Variants in FBXO36 observed in about 807,000 individuals in gnomAD.
FBXO36 encodes F-box only protein 36.
Under a neutral mutation model 17.0 loss-of-function variants are expected in FBXO36, and 18 were observed. The ratio of observed to expected loss-of-function variants is 1.06; its 90% CI spans 0.73 to 1.57. The LOEUF is 1.57. Ranked by LOEUF, FBXO36 falls within the 40% of genes most tolerant of loss-of-function variation. FBXO36 has a pLI of 0.00. For missense variants in FBXO36, 229 were observed against 221.9 expected (o/e 1.03, Z -0.20); for synonymous variants, 83 against 85.3 (o/e 0.97, Z 0.15).
chr2:229,960,724 A>C (rs764042684), intron 1 of FBXO36, among the ~76,000 whole-genome samples: 1 of 152,154 alleles, frequency 6.6e-6, no homozygotes, highest in African/African-American at 2.4e-5. Context: ...GCTGGTCTCA[A>C]ACTTCTAGCC....
intron 3 of FBXO36, among the ~76,000 whole-genome samples, chr2:230,000,428 C>T (rs1364822128): frequency 1.3e-5 from 2 of 150,006 alleles, no homozygotes; most frequent in African/African-American, 2.5e-5. Flanking sequence ...GAGAATTCTA[C>T]GTAAATAAAA....
intron 3 of FBXO36, among the ~76,000 whole-genome samples, chr2:229,999,329 G>A (rs2077345252): frequency 6.7e-6 from 1 of 150,338 alleles, no homozygotes; most frequent in Admixed American, 6.6e-5. Flanking sequence ...GTTTCCCCGT[G>A]TTGGCCAGGC....
At chr2:229,931,937 G>C (rs1402096671) in intron 1 of FBXO36, among the ~76,000 whole-genome samples, 1 of 80,764 alleles carries the variant, frequency 1.2e-5, no homozygotes, top group South Asian at 3.5e-4. Flanking sequence ...TTTTTTTTTA[G>C]ACAGGGTCTT....
intron 3 of FBXO36, among the ~76,000 whole-genome samples, chr2:230,010,398 G>A (rs1309907327): frequency 6.6e-6 from 1 of 152,230 alleles, no homozygotes; most frequent in Non-Finnish European, 1.5e-5. Flanking sequence ...GGGTGAAGGT[G>A]GAGAATAACA....
At chr2:229,948,663 A>T (rs187552132) in intron 1 of FBXO36, among the ~76,000 whole-genome samples, 59 of 152,084 alleles carry the variant, frequency 3.9e-4, no homozygotes, top group African/African-American at 1.4e-3. Flanking sequence ...GACCCTTTTC[A>T]TCTCTTCCTC....
chr2:230,008,425 T>C (rs2077398409), intron 3 of FBXO36, among the ~76,000 whole-genome samples: 1 of 152,178 alleles, frequency 6.6e-6, no homozygotes, highest in Non-Finnish European at 1.5e-5. Context: ...GAACCTTTCG[T>C]TTTGCAACCT....
intron 1 of FBXO36, among the ~76,000 whole-genome samples, chr2:229,969,417 G>A (rs1022603805): frequency 2.6e-5 from 4 of 151,634 alleles, no homozygotes; most frequent in East Asian, 3.9e-4. Flanking sequence ...GGCCAGGCAC[G>A]GTGGCTCACG....
intron 1 of FBXO36, among the ~76,000 whole-genome samples, chr2:229,975,205 G>T (rs2077200872): frequency 6.6e-6 from 1 of 152,034 alleles, no homozygotes; most frequent in African/African-American, 2.4e-5. Flanking sequence ...CCATTACCAA[G>T]AAGTGTCCTG....
chr2:230,010,558 C>T (rs2077410142), intron 3 of FBXO36, 138 bp from the exon 4 acceptor site: 5 of 689,170 alleles, frequency 7.3e-6, no homozygotes, highest in Non-Finnish European at 1.2e-5. Context: ...GGCTGTTTTC[C>T]TCAAAGAGGA....
At chr2:229,982,405 C>T (rs924599520) in intron 2 of FBXO36, among the ~76,000 whole-genome samples, 2 of 152,076 alleles carry the variant, frequency 1.3e-5, no homozygotes, top group Admixed American at 1.3e-4. Context: ...CCTCCGTGGT[C>T]ATGTCTCCTT....
rs576795279 is a variant in FBXO36 at position 229,977,798 on chromosome 2, A to G, written c.205+1449A>G. On this transcript the variant is annotated intron_variant, in intron 2 of 3. Transcript: ENST00000283946. ...ATGTACTCATGACCCATCTTCAGCAATACTCAAAATGTGACCCAGACCTAT... is the reference window on the plus strand; with the variant it reads ...ATGTACTCATGACCCATCTTCAGCAGTACTCAAAATGTGACCCAGACCTAT... 1.1e-4 allele frequency among the ~76,000 whole-genome samples: 16 copies of G among 152,258 alleles called. No homozygotes were observed. In the East Asian group the frequency reaches 2.5e-3, roughly 24 times the overall value.
rs536775090 is a variant in FBXO36, at chr2:229,955,144, G to A, written c.97-21097G>A. 5.3e-5 allele frequency among the ~76,000 whole-genome samples: 8 copies of A among 152,194 alleles called. No homozygotes were observed. In the East Asian group the frequency reaches 1.2e-3, roughly 22 times the overall value. On this transcript the variant is annotated intron_variant, in intron 1 of 3. Coordinates refer to ENST00000283946, the MANE Select transcript of FBXO36 (RefSeq NM_174899.5). ...TGGGATTACAGGTGTGAGCCACCGC[G>A]CCCAGCCCGATCACCCTATTTAAAA...
At chr2:229,923,441 A>ACCCTGCCC (rs2076849004) in intron 1 of FBXO36, among the ~76,000 whole-genome samples, 1 of 152,154 alleles carries the variant, frequency 6.6e-6, no homozygotes, top group African/African-American at 2.4e-5. Flanking sequence ...TTATTCATGC[A>ACCCTGCCC]CCCTGCCCTT....
intron 1 of FBXO36, chr2:229,945,014 C>A (rs2077019534): frequency 6.6e-6 from 1 of 152,104 alleles, no homozygotes; most frequent in African/African-American, 2.4e-5. Flanking sequence ...AGCTAAAGAT[C>A]TTTGGATTTT....
chr2:229,922,758 C>A, intron 1 of FBXO36, 149 bp downstream of exon 1: 1 of 739,978 alleles, frequency 1.4e-6, no homozygotes, highest in Non-Finnish European at 2.2e-6. Context: ...TCCTCGTCAC[C>A]TCGGCCTCCT....
At chr2:230,004,594 G>T (rs759467210) in intron 3 of FBXO36, among the ~76,000 whole-genome samples, 2 of 152,042 alleles carry the variant, frequency 1.3e-5, no homozygotes, top group Non-Finnish European at 2.9e-5. Flanking sequence ...TATGTGTGTG[G>T]GATGTGCAAG....
chr2:229,988,199 C>T (rs145899333), intron 2 of FBXO36, among the ~76,000 whole-genome samples: 3 of 152,018 alleles, frequency 2.0e-5, no homozygotes, highest in Non-Finnish European at 2.9e-5. Flanking sequence ...AGAATCTACT[C>T]AAAATTATAA....
chr2:229,950,906 G>A (rs2077054227), intron 1 of FBXO36, among the ~76,000 whole-genome samples: 2 of 151,826 alleles, frequency 1.3e-5, no homozygotes, highest in South Asian at 2.1e-4. Context: ...ACAGGCATGC[G>A]CCATTATGCC....
intron 3 of FBXO36, among the ~76,000 whole-genome samples, chr2:230,002,008 C>G (rs559416314): frequency 2.0e-5 from 3 of 151,928 alleles, no homozygotes; most frequent in Non-Finnish European, 2.9e-5. Context: ...TATTTTATTT[C>G]TGTATTTTTG....
Sources: allele counts gnomAD v4.1 joint callset (sites outside exome capture counted in the v4.1 genomes callset), GRCh38; gene constraint gnomAD v4.1.1; transcripts MANE v1.5; gene names NCBI Gene and HGNC (gene_info 2026-07-23, HGNC 2026-07-21).